RYR3: variants seen among roughly 807,000 people sequenced by gnomAD.
The protein encoded by RYR3 is brain ryanodine receptor-calcium release channel.
In RYR3, 207 loss-of-function variants were observed where a neutral mutation model predicts 584.3. The observed-to-expected ratio is 0.35, with a 90% CI of 0.32 to 0.40. The LOEUF (loss-of-function observed/expected upper bound fraction) is 0.40, where lower values mean the gene tolerates loss of function less well. Ranked by LOEUF, RYR3 falls within the 10% of genes least tolerant of loss-of-function variation. The probability of loss-of-function intolerance (pLI) is 1.00; values close to 1 mark genes in which losing one functional copy is unlikely to be tolerated. For synonymous variants in RYR3, 2,416 were observed against 2,248.5 expected, an observed-to-expected ratio of 1.07 and a Z score of -2.11; for missense variants, 5,616 against 6,089.2, an observed-to-expected ratio of 0.92 and a Z score of 2.59.
At chr15:33,350,695 A>C (rs1431699863) in intron 1 of RYR3, among the ~76,000 whole-genome samples, 2 of 152,134 alleles carry the variant, frequency 1.3e-5, no homozygotes, top group Non-Finnish European at 2.9e-5. Flanking sequence ...AGAAATAAAG[A>C]TGTTCTTTGA....
rs1438380298 is a variant in RYR3, at chr15:33,742,580, G to A, written c.7899+136G>A. 9.3e-6 allele frequency: 6 copies of A among 645,430 alleles called. No homozygotes were observed. In the Admixed American group the frequency reaches 1.3e-4, roughly 14 times the overall value. 40.0% of individuals were successfully genotyped at this position (645,430 alleles called of 1,614,324 possible). On this transcript the variant is annotated intron_variant, in intron 52 of 103. Transcript: ENST00000634891. ...TGCCGAGAGCATTCATTATTTCTGAGCAGCAATTTCCCAGGGTTGGTGGAG... is the reference window on the plus strand; with the variant it reads ...TGCCGAGAGCATTCATTATTTCTGAACAGCAATTTCCCAGGGTTGGTGGAG...
intron 81 of RYR3, among the ~76,000 whole-genome samples, chr15:33,823,456 T>C (rs1008676788): frequency 2.6e-5 from 4 of 152,222 alleles, no homozygotes; most frequent in African/African-American, 7.2e-5. Flanking sequence ...CTGACTATGA[T>C]TCAGGGCTAT....
chr15:33,864,206 CAT>C lies in RYR3; in HGVS notation c.14517+21_14517+22del, dbSNP rs763263187. The C allele has an allele frequency of 1.9e-6, 3 of 1,595,652 alleles. No homozygotes were observed. The highest frequency in any genetic ancestry group is 1.7e-4 in the Middle Eastern group (1 of 5,920). ...ACGGGTCAGGTGAGAAATTAAGAATCATATACCCGTGTTAGATCTCCCTTTCC... is the reference window on the plus strand; with the variant it reads ...ACGGGTCAGGTGAGAAATTAAGAATCATACCCGTGTTAGATCTCCCTTTCC... On this transcript the variant is annotated intron_variant, in intron 103 of 103. Transcript: ENST00000634891.
chr15:33,464,137 AACC>A (rs1430791480), intron 1 of RYR3, among the ~76,000 whole-genome samples: 2 of 152,094 alleles, frequency 1.3e-5, no homozygotes, highest in Admixed American at 1.3e-4. Context: ...ATTAGAAATA[AACC>A]TGTATTGTTA....
Position 33,765,651 on chromosome 15 carries a change from AAAAAG to A in RYR3, c.8706-3002_8706-2998del, listed in dbSNP as rs1452160398. 4.2e-3 allele frequency among the ~76,000 whole-genome samples: 636 copies of A among 150,950 alleles called. 2 individuals are homozygous for A. Among genetic ancestry groups the A allele is most frequent in the African/African-American group, 0.015 (595 of 40,916 alleles). On this transcript the variant is annotated intron_variant, in intron 60 of 103. Coordinates refer to ENST00000634891, the MANE Select transcript of RYR3 (RefSeq NM_001036.6). The stretch of plus-strand genomic sequence containing the variant: ...CCGTCTCAAAAAAAAAAAAAAAAAA[AAAAAG>A]AAAATAGTCTAAATAGTCTAAAAAC...
At chr15:33,845,291 C>G (rs2078648925) in intron 93 of RYR3, among the ~76,000 whole-genome samples, 2 of 152,174 alleles carry the variant, frequency 1.3e-5, no homozygotes, top group East Asian at 1.9e-4. Flanking sequence ...TCGCTCTTGT[C>G]TCGCAGGCTG....
chr15:33,572,851 G>A (rs2058105193), intron 12 of RYR3, among the ~76,000 whole-genome samples: 1 of 152,068 alleles, frequency 6.6e-6, no homozygotes, highest in East Asian at 1.9e-4. Flanking sequence ...GCGCATGCCT[G>A]TAATGCCAGC....
chr15:33,478,631 G>C (rs2049657973), intron 2 of RYR3, among the ~76,000 whole-genome samples: 1 of 152,094 alleles, frequency 6.6e-6, no homozygotes, highest in South Asian at 2.1e-4. Flanking sequence ...GTTAACTGAA[G>C]GTCAAATTCT....
At chr15:33,583,427 T>C (rs563176338) in intron 14 of RYR3, among the ~76,000 whole-genome samples, 2 of 152,294 alleles carry the variant, frequency 1.3e-5, no homozygotes, top group African/African-American at 4.8e-5. Context: ...CAAGCCAATA[T>C]TAAATTCTTG....
At chr15:33,552,485 G>A (rs2056759821) in intron 10 of RYR3, among the ~76,000 whole-genome samples, 1 of 152,208 alleles carries the variant, frequency 6.6e-6, no homozygotes, top group Non-Finnish European at 1.5e-5. Flanking sequence ...AGTCACCCAT[G>A]AGTCACATTG....
At chr15:33,637,467 G>T (rs570643739) in intron 27 of RYR3, among the ~76,000 whole-genome samples, 4 of 152,356 alleles carry the variant, frequency 2.6e-5, no homozygotes, top group African/African-American at 2.4e-5. Context: ...GCTGGATCAG[G>T]AGACCTGGAC....
At chr15:33,621,325 G>A (rs1254752377) in intron 19 of RYR3, among the ~76,000 whole-genome samples, 1 of 152,210 alleles carries the variant, frequency 6.6e-6, no homozygotes, top group African/African-American at 2.4e-5. Context: ...CAGGAAAGAT[G>A]CTCAATGAGA....
chr15:33,463,512 T>C (rs939301131), intron 1 of RYR3, among the ~76,000 whole-genome samples: 1 of 152,068 alleles, frequency 6.6e-6, no homozygotes, highest in African/African-American at 2.4e-5. Context: ...TTCCAACCTA[T>C]GAGAATAGAA....
chr15:33,746,543 A>T (rs2070734634), intron 53 of RYR3, among the ~76,000 whole-genome samples: 2 of 152,070 alleles, frequency 1.3e-5, no homozygotes, highest in African/African-American at 4.8e-5. Context: ...TCATGCCTGT[A>T]ATCCTAGCAC....
intron 43 of RYR3, among the ~76,000 whole-genome samples, chr15:33,712,404 A>G (rs16957745): frequency 0.08 from 12,239 of 152,190 alleles, 1,055 homozygotes; most frequent in African/African-American, 0.22. Context: ...TTGAAGCTTA[A>G]AGATTTTTGA....
At chr15:33,834,878 C>G in intron 86 of RYR3, 90 bp from the exon 87 acceptor site, 1 of 847,716 alleles carries the variant, frequency 1.2e-6, no homozygotes, top group Non-Finnish European at 1.9e-6. Flanking sequence ...TCTATCTGCT[C>G]ATATAAGTAG....
chr15:33,837,342 C>T (rs1444531388), intron 88 of RYR3, among the ~76,000 whole-genome samples: 2 of 152,160 alleles, frequency 1.3e-5, no homozygotes, highest in Non-Finnish European at 2.9e-5. Flanking sequence ...ATCAAAGGGA[C>T]ACCATGTATC....
intron 67 of RYR3, among the ~76,000 whole-genome samples, chr15:33,791,201 T>A (rs2152918844): frequency 6.6e-6 from 1 of 152,272 alleles, no homozygotes. Flanking sequence ...ATAGGAAACT[T>A]GTCAGGTTGT....
intron 1 of RYR3, among the ~76,000 whole-genome samples, chr15:33,333,066 CAAAAAAAAAAAAA>C (rs1195937254): frequency 3.6e-5 from 2 of 55,734 alleles, no homozygotes; most frequent in African/African-American, 7.6e-5. Context: ...GCCTACCAAC[CAAAAAAAAAAAAA>C]AAAAAAAAAA....
Sources: allele counts gnomAD v4.1 joint callset (sites outside exome capture counted in the v4.1 genomes callset), GRCh38; gene constraint gnomAD v4.1.1; transcripts MANE v1.5; gene names NCBI Gene and HGNC (gene_info 2026-07-23, HGNC 2026-07-21).